SLC27A2: variants seen among roughly 807,000 people sequenced by gnomAD.
SLC27A2 encodes long-chain fatty acid transport protein 2.
A neutral mutation model predicts 60.0 loss-of-function variants in SLC27A2; 54 were observed. The ratio of observed to expected loss-of-function variants is 0.90; its 90% confidence interval spans 0.72 to 1.13. The LOEUF is 1.13. SLC27A2 is among the 50% of genes most tolerant of loss of function. The pLI is 0.00. For missense variants in SLC27A2, 739 were observed against 777.6 expected, an observed-to-expected ratio of 0.95 and a Z score of 0.59; for synonymous variants, 297 against 297.6, an observed-to-expected ratio of 1.00 and a Z score of 0.02.
chr15:50,215,723 C>T (rs1342472971), intron 4 of SLC27A2, among the ~76,000 whole-genome samples: 3 of 152,100 alleles, frequency 2.0e-5, no homozygotes, highest in African/African-American at 7.2e-5. Flanking sequence ...CAAAGTACAC[C>T]CTATTCAACA....
chr15:50,210,176 G>A lies in SLC27A2; in HGVS notation c.972+4813G>A, dbSNP rs577402870. Among the ~76,000 whole-genome samples the A allele has an allele frequency of 1.1e-3, 167 of 152,342 alleles. 3 individuals carry two copies. In the South Asian group the frequency reaches 0.034, roughly 31 times the overall value. Reference sequence around the variant, plus strand: ...CAGGACTAGATTGTGGCTCCAGACAGAGCAGCATGAGAGGCTCACATTGTG... The same window carrying A: ...CAGGACTAGATTGTGGCTCCAGACAAAGCAGCATGAGAGGCTCACATTGTG... On this transcript the variant is annotated intron_variant, in intron 4 of 9. Transcript: ENST00000267842.
chr15:50,205,893 T>C (rs976587835), intron 4 of SLC27A2, among the ~76,000 whole-genome samples: 1 of 152,200 alleles, frequency 6.6e-6, no homozygotes, highest in African/African-American at 2.4e-5. Context: ...TTTTACTTAA[T>C]GCTGTTTAAC....
chr15:50,219,900 AG>A (rs1434723725), intron 4 of SLC27A2, among the ~76,000 whole-genome samples: 10 of 152,192 alleles, frequency 6.6e-5, no homozygotes, highest in Non-Finnish European at 1.3e-4. Context: ...AAAAAAAATA[AG>A]CTGGTGACCC....
At chr15:50,212,019 C>G (rs1167034202) in intron 4 of SLC27A2, among the ~76,000 whole-genome samples, 1 of 132,648 alleles carries the variant, frequency 7.5e-6, no homozygotes, top group Non-Finnish European at 1.5e-5. Context: ...TGCAGTGAGC[C>G]AAGATCGCGC....
intron 4 of SLC27A2, among the ~76,000 whole-genome samples, chr15:50,209,807 A>G (rs1428677460): frequency 6.6e-6 from 1 of 152,200 alleles, no homozygotes; most frequent in African/African-American, 2.4e-5. Context: ...AAGGTGATAA[A>G]GACCTTCTTC....
intron 9 of SLC27A2, 125 bp from the exon 10 acceptor site, chr15:50,235,795 A>G: frequency 3.2e-6 from 2 of 617,064 alleles, no homozygotes; most frequent in Non-Finnish European, 5.5e-6. Context: ...TTCACTTCCC[A>G]GCTCTCACAT....
At chr15:50,234,461 C>T (rs2045336811) in intron 9 of SLC27A2, among the ~76,000 whole-genome samples, 1 of 151,804 alleles carries the variant, frequency 6.6e-6, no homozygotes, top group African/African-American at 2.4e-5. Context: ...GTAGTGCATG[C>T]CTGTAGCCCC....
chr15:50,185,621 CTTTT>C (rs531026687), intron 1 of SLC27A2, among the ~76,000 whole-genome samples: 14 of 95,764 alleles, frequency 1.5e-4, no homozygotes, highest in South Asian at 1.1e-3. Flanking sequence ...AGGAAGCTTA[CTTTT>C]TTTTTTTTTT....
At chr15:50,186,006 G>A (rs2044918807) in intron 1 of SLC27A2, among the ~76,000 whole-genome samples, 1 of 151,968 alleles carries the variant, frequency 6.6e-6, no homozygotes, top group Non-Finnish European at 1.5e-5. Flanking sequence ...GGGAAGTGGA[G>A]GAGGGAGGAT....
chr15:50,198,550 AC>A (rs1480107495), intron 2 of SLC27A2: 1 of 151,976 alleles, frequency 6.6e-6, no homozygotes, highest in Non-Finnish European at 1.5e-5. Context: ...TGACAGCTCT[AC>A]CCCAGTACCT....
intron 2 of SLC27A2, chr15:50,198,530 C>T (rs1567429140): frequency 6.6e-6 from 1 of 152,058 alleles, no homozygotes; most frequent in Non-Finnish European, 1.5e-5. Context: ...GATTCCACAG[C>T]TCATACAATT....
chr15:50,229,126 C>T, intron 8 of SLC27A2, 84 bp downstream of exon 8: 2 of 836,508 alleles, frequency 2.4e-6, no homozygotes, highest in Non-Finnish European at 4.0e-6. Flanking sequence ...TCATTGCTTT[C>T]TCCCGCCATC....
Position 50,205,383 on chromosome 15 carries a change from A to C in SLC27A2, c.972+20A>C. ...CCACAGGTAACACTCCCCCCGTTTTACTATCATTTTGAAATGGGTAAGATG... is the reference window on the plus strand; with the variant it reads ...CCACAGGTAACACTCCCCCCGTTTTCCTATCATTTTGAAATGGGTAAGATG... On this transcript the variant is annotated intron_variant, in intron 4 of 9. Coordinates refer to ENST00000267842, the MANE Select transcript of SLC27A2 (RefSeq NM_003645.4). 2 of 1,591,618 alleles carry C rather than the reference A, an allele frequency of 1.3e-6. No homozygotes were observed. The highest frequency in any genetic ancestry group is 1.7e-6 in the Non-Finnish European group (2 of 1,164,484).
At position 50,228,955 on chromosome 15, in the gene SLC27A2, G is replaced by A. The variant is rs1235449095; in HGVS notation, c.1468G>A (p.Glu490Lys). The change falls in exon 8 of 10, where the codon GAA (glutamate) becomes AAA (lysine). Residue 490 changes from glutamate to lysine, a missense_variant. Glu to Lys is a moderately conservative substitution (Grantham distance 56). Coordinates refer to ENST00000267842, the MANE Select transcript of SLC27A2 (RefSeq NM_003645.4). ...RVGDTFRWKGENVATTEVADT... is the reference protein window; with the variant it reads ...RVGDTFRWKGKNVATTEVADT... The stretch of plus-strand genomic sequence containing the variant: ...TGTCCTTTCTTCCAGGTGGAAAGGG[G>A]AAAATGTGGCCACCACTGAAGTTGC... 2 of 1,613,584 alleles carry A rather than the reference G, an allele frequency of 1.2e-6. No individual in the cohort carries two copies. The highest frequency in any genetic ancestry group is 1.7e-6 in the Non-Finnish European group (2 of 1,179,506).
chr15:50,190,577 G>A (rs1429787275), intron 1 of SLC27A2, among the ~76,000 whole-genome samples: 1 of 150,422 alleles, frequency 6.6e-6, no homozygotes, highest in Non-Finnish European at 1.5e-5. Context: ...CTGCCTTCTA[G>A]CAATGGACTT....
intron 1 of SLC27A2, among the ~76,000 whole-genome samples, chr15:50,184,080 T>C (rs549934640): frequency 7.2e-6 from 1 of 139,212 alleles, no homozygotes; most frequent in Admixed American, 8.0e-5. Flanking sequence ...AACCTCTGCC[T>C]CCCAGGCTCA....
intron 4 of SLC27A2, among the ~76,000 whole-genome samples, chr15:50,215,816 A>T (rs1050673615): frequency 1.3e-5 from 2 of 152,234 alleles, no homozygotes; most frequent in African/African-American, 2.4e-5. Context: ...TCAACTCAAG[A>T]TGGATTAAGA....
intron 2 of SLC27A2, among the ~76,000 whole-genome samples, chr15:50,200,706 CT>C (rs1222117633): frequency 6.6e-6 from 1 of 152,200 alleles, no homozygotes; most frequent in African/African-American, 2.4e-5. Flanking sequence ...CCCAATTGAA[CT>C]GTTCTTCCAT....
chr15:50,208,010 A>G (rs1374235138), intron 4 of SLC27A2, among the ~76,000 whole-genome samples: 3 of 152,052 alleles, frequency 2.0e-5, no homozygotes, highest in Admixed American at 6.5e-5. Context: ...GCCTGGATCA[A>G]TGTAATCAGG....
Sources: allele counts gnomAD v4.1 joint callset (sites outside exome capture counted in the v4.1 genomes callset), GRCh38; gene constraint gnomAD v4.1.1; transcripts MANE v1.5; gene names NCBI Gene and HGNC (gene_info 2026-07-23, HGNC 2026-07-21).